Variants in PHC3 observed in about 807,000 individuals in gnomAD.
PHC3 encodes polyhomeotic-like protein 3.
Under a neutral mutation model 107.4 loss-of-function variants are expected in PHC3, and 13 were observed. That is an observed-to-expected ratio of 0.12 (90% confidence interval 0.08 to 0.19). The LOEUF (loss-of-function observed/expected upper bound fraction) is 0.19, where lower values mean the gene tolerates loss of function less well. Ranked by LOEUF, PHC3 falls within the 10% of genes least tolerant of loss-of-function variation. The pLI, the probability that PHC3 is intolerant of heterozygous loss-of-function variation, is 1.00. For missense variants in PHC3, 992 were observed against 1,210.9 expected (o/e 0.82, Z 2.68); for synonymous variants, 456 against 427.4 (o/e 1.07, Z -0.83).
In PHC3 at chr3:170,126,926, TTTTG is replaced by T. The variant is rs896895164; in HGVS notation, c.1788+1754_1788+1757del. ...ATATAAGGACTATAAAGAAGTTTTT[TTTTG>T]TTTGTTTTTATTTTTAAATTGTATT... On this transcript the variant is annotated intron_variant, in intron 8 of 14. Coordinates refer to ENST00000495893, the MANE Select transcript of PHC3 (RefSeq NM_024947.4). Among the ~76,000 whole-genome samples, 4 of 151,950 alleles carry T rather than the reference TTTTG, an allele frequency of 2.6e-5. No homozygotes were observed. The South Asian group carries it at 6.2e-4, about 24-fold the overall frequency.
intron 8 of PHC3, among the ~76,000 whole-genome samples, chr3:170,126,530 T>TATCTATA (rs1560059403): frequency 9.6e-5 from 7 of 72,890 alleles, no homozygotes; most frequent in African/African-American, 4.1e-4. Context: ...ATATATATAT[T>TATCTATA]TTTTTTTTTT....
At chr3:170,106,075 G>T (rs1268786472) in intron 12 of PHC3, among the ~76,000 whole-genome samples, 1 of 152,120 alleles carries the variant, frequency 6.6e-6, no homozygotes, top group Non-Finnish European at 1.5e-5. Context: ...AGCTGGGCAT[G>T]GTGGCAGGTG....
chr3:170,098,223 A>G (rs1402121282), intron 14 of PHC3, among the ~76,000 whole-genome samples: 1 of 152,180 alleles, frequency 6.6e-6, no homozygotes, highest in Non-Finnish European at 1.5e-5. Context: ...CTTACCCATT[A>G]AGGGTAAAGA....
intron 6 of PHC3, among the ~76,000 whole-genome samples, chr3:170,139,202 C>A (rs978126443): frequency 9.9e-5 from 15 of 152,248 alleles, no homozygotes; most frequent in African/African-American, 3.6e-4. Context: ...CCCTGCAGTT[C>A]GGTGCTGCAG....
At chr3:170,102,369 T>A (rs1199790767) in intron 14 of PHC3, 110 bp downstream of exon 14, 16 of 1,498,898 alleles carry the variant, frequency 1.1e-5, no homozygotes, top group Non-Finnish European at 1.3e-5. Flanking sequence ...TATTTATACA[T>A]ATACACAGTA....
At chr3:170,165,820 A>T (rs951971711) in intron 4 of PHC3, among the ~76,000 whole-genome samples, 1 of 151,138 alleles carries the variant, frequency 6.6e-6, no homozygotes, top group African/African-American at 2.4e-5. Context: ...TGCTTCAAAG[A>T]AGTCAGGCCC....
rs1340810710 is a variant in PHC3 at position 170,128,845 on chromosome 3, G to C, written c.1627C>G (p.Leu543Val). ...MQSLQVQPEILSQGQVLVQNA... is the reference protein window; with the variant it reads ...MQSLQVQPEIVSQGQVLVQNA... ...TGCACCAAAACCTGGCCCTGGGACA[G>C]AATTTCAGGCTGCACTTGTAAAGAC... is the stretch of plus-strand genomic sequence containing the variant. The change falls in exon 8 of 15, where the codon CTG (leucine) becomes GTG (valine). Residue 543 changes from leucine to valine, a missense_variant. This residue lies in a region of PHC3 where 543 missense variants were observed against 590.8 expected (regional missense o/e 0.92). Coordinates refer to ENST00000495893, the MANE Select transcript of PHC3 (RefSeq NM_024947.4). 5 of 1,613,918 alleles carry C rather than the reference G, an allele frequency of 3.1e-6. No homozygotes were observed. The highest frequency in any genetic ancestry group is 1.1e-5 in the South Asian group (1 of 91,094).
In PHC3 at chr3:170,097,024, T is replaced by G; in HGVS notation, c.*206A>C. 2.4e-6 allele frequency: 1 copy of G among 424,116 alleles called. No individual in the cohort carries two copies. The highest frequency in any genetic ancestry group is 4.0e-5 in the Admixed American group (1 of 24,706). 26.3% of individuals were successfully genotyped at this position (424,116 alleles called of 1,614,324 possible). A position where few individuals can be genotyped will look rare whatever the true frequency, so the allele number is the denominator to read the frequency against. On this transcript the variant is annotated 3_prime_UTR_variant, in exon 15 of 15. Coordinates refer to ENST00000495893, the MANE Select transcript of PHC3 (RefSeq NM_024947.4). This position sits in a 1 kb window ranked among gnomAD's most constrained non-coding sequence, Gnocchi z 4.1. ...TCAATGTTTCATGTAACCTGTAAAA[T>G]TAATTTTACCAATGTTTATTAATTA...
At chr3:170,101,310 T>C (rs1370754619) in intron 14 of PHC3, among the ~76,000 whole-genome samples, 4 of 152,216 alleles carry the variant, frequency 2.6e-5, no homozygotes, top group Non-Finnish European at 5.9e-5. Flanking sequence ...TTTAACAAAA[T>C]CTCACAGAAT....
In PHC3 at chr3:170,096,144, A is replaced by C. The variant is rs1714615282; in HGVS notation, c.*1086T>G. 1.3e-5 allele frequency: 2 copies of C among 152,122 alleles called. No homozygotes were observed. 9.4% of individuals were successfully genotyped at this position (152,122 alleles called of 1,614,324 possible). ...AATGAATTAGTACTTTCTGAGAGTT[A>C]AATTATTTGCATGTTTGTCCTTATT... On this transcript the variant is annotated 3_prime_UTR_variant, in exon 15 of 15. Coordinates refer to ENST00000495893, the MANE Select transcript of PHC3 (RefSeq NM_024947.4).
At chr3:170,120,616 A>G (rs906556648) in intron 9 of PHC3, among the ~76,000 whole-genome samples, 6 of 152,154 alleles carry the variant, frequency 3.9e-5, no homozygotes, top group African/African-American at 1.2e-4. Flanking sequence ...AATATTTTAT[A>G]TAAGTTTATT....
chr3:170,177,664 G>GC (rs1257631325), intron 2 of PHC3, among the ~76,000 whole-genome samples: 2 of 129,290 alleles, frequency 1.5e-5, no homozygotes, highest in African/African-American at 2.9e-5. Context: ...ACCACGCCCA[G>GC]CATTTTTTTT....
At chr3:170,105,089 GACAGCTC>G (rs1716229663) in intron 12 of PHC3, among the ~76,000 whole-genome samples, 1 of 152,158 alleles carries the variant, frequency 6.6e-6, no homozygotes, top group Non-Finnish European at 1.5e-5. Context: ...ATACTAATGT[GACAGCTC>G]AGCAATCATC....
intron 10 of PHC3, among the ~76,000 whole-genome samples, chr3:170,116,907 T>C (rs932436651): frequency 2.6e-3 from 60 of 23,178 alleles, no homozygotes; most frequent in African/African-American, 5.1e-3. Context: ...CAAGATCCTG[T>C]CTAAAAAAAA....
At position 170,088,861 on chromosome 3, in the gene PHC3, T is replaced by C. The variant is rs140844267; in HGVS notation, c.*8369A>G. On this transcript the variant is annotated 3_prime_UTR_variant, in exon 15 of 15. Coordinates refer to ENST00000495893, the MANE Select transcript of PHC3 (RefSeq NM_024947.4). ...AACCCAACAGTTTATATGGATATTT[T>C]CCTGCTTTAAAAAGCTGCAACAGGC... 1 of 152,464 alleles carries C rather than the reference T, an allele frequency of 6.6e-6. No homozygotes were observed. The highest frequency in any genetic ancestry group is 2.4e-5 in the African/African-American group (1 of 41,580). 9.4% of individuals were successfully genotyped at this position (152,464 alleles called of 1,614,324 possible). A position where few individuals can be genotyped will look rare whatever the true frequency, so the allele number is the denominator to read the frequency against.
chr3:170,114,031 CTTTCTT>C (rs1403752974), intron 10 of PHC3, among the ~76,000 whole-genome samples: 2 of 151,632 alleles, frequency 1.3e-5, no homozygotes, highest in Non-Finnish European at 2.9e-5. Flanking sequence ...TTTTTTCTTT[CTTTCTT>C]TTTGAGACAC....
chr3:170,126,742 T>C (rs142758619), intron 8 of PHC3, among the ~76,000 whole-genome samples: 3,450 of 151,646 alleles, frequency 0.023, 66 homozygotes, highest in Non-Finnish European at 0.034. Flanking sequence ...AGTTTCTCTA[T>C]GTTGGCCAGG....
At chr3:170,124,744 T>C (rs1720988207) in intron 8 of PHC3, among the ~76,000 whole-genome samples, 1 of 152,180 alleles carries the variant, frequency 6.6e-6, no homozygotes, top group African/African-American at 2.4e-5. Context: ...ACATTTTTAA[T>C]CAAACTATTT....
intron 9 of PHC3, among the ~76,000 whole-genome samples, chr3:170,120,124 T>G (rs1005250852): frequency 4.6e-5 from 7 of 152,022 alleles, no homozygotes; most frequent in African/African-American, 1.7e-4. Flanking sequence ...AACTGACTTT[T>G]TTTTTGGTAA....
Sources: gnomAD v4.1 joint callset for allele counts (sites outside exome capture counted in the v4.1 genomes callset) on GRCh38, gnomAD v4.1.1 for gene constraint, gnomAD v4.1.1 regional missense constraint, Gnocchi (gnomAD v3.1) non-coding constraint, MANE v1.5 for transcripts, NCBI Gene and HGNC (gene_info 2026-07-23, HGNC 2026-07-21) for gene names.